Variants in IARS2 observed in about 807,000 individuals in gnomAD.
The protein encoded by IARS2 is isoleucyl-tRNA synthetase 2, mitochondrial.
A neutral mutation model predicts 126.3 loss-of-function variants in IARS2; 56 were observed. The observed-to-expected ratio is 0.44, with a 90% CI of 0.36 to 0.55. IARS2 has a LOEUF of 0.55. Ranked by LOEUF, IARS2 falls within the 20% of genes least tolerant of loss-of-function variation. The pLI is 0.00. For synonymous variants in IARS2, 407 were observed against 441.1 expected (o/e 0.92, Z 0.97); for missense variants, 1,127 against 1,245.9 (o/e 0.90, Z 1.44).
intron 12 of IARS2, among the ~76,000 whole-genome samples, chr1:220,121,132 A>G (rs1393401263): frequency 6.6e-6 from 1 of 152,198 alleles, no homozygotes; most frequent in Non-Finnish European, 1.5e-5. Context: ...TTTTATTTAC[A>G]GTAGCCTTTT....
At position 220,102,341 on chromosome 1, in the gene IARS2, A is replaced by G. The variant is rs202128341; in HGVS notation, c.700-22A>G. On this transcript the variant is annotated intron_variant, in intron 4 of 22. Transcript: ENST00000366922. Reference sequence around the variant, plus strand: ...TGCGTTACAAGATTCTACTTTTAACATCATATTTTTGTCTTTTATAGGGCT... The same window carrying G: ...TGCGTTACAAGATTCTACTTTTAACGTCATATTTTTGTCTTTTATAGGGCT... The G allele has an allele frequency of 1.7e-4, 266 of 1,611,938 alleles. 1 individual carries two copies. The East Asian group carries it at 5.6e-3, about 34-fold the overall frequency.
At chr1:220,134,055 ACATT>A (rs1657319658) in intron 14 of IARS2, among the ~76,000 whole-genome samples, 1 of 152,052 alleles carries the variant, frequency 6.6e-6, no homozygotes, top group South Asian at 2.1e-4. Flanking sequence ...ACATTGCTTG[ACATT>A]CATGCAGTAC....
chr1:220,100,759 A>G (rs1656555022), intron 3 of IARS2, 110 bp downstream of exon 3: 10 of 749,528 alleles, frequency 1.3e-5, no homozygotes, highest in Admixed American at 3.5e-5. Flanking sequence ...TTTGCTTATA[A>G]TAAGATCTAT....
Position 220,134,337 on chromosome 1 carries a change from TTC to T in IARS2, c.1838-63_1838-62del. Reference sequence around the variant, plus strand: ...CCACTAATTGTTATTAATAAGTATCTTCTTTTTCTATTTTAATTAACTTAAAT... The same window carrying T: ...CCACTAATTGTTATTAATAAGTATCTTTTTTCTATTTTAATTAACTTAAAT... On this transcript the variant is annotated intron_variant, in intron 14 of 22. Transcript: ENST00000366922. The T allele has an allele frequency of 7.9e-6, 9 of 1,140,562 alleles. No individual in the cohort carries two copies. The South Asian group carries it at 1.4e-4, about 18-fold the overall frequency. 70.7% of individuals were successfully genotyped at this position (1,140,562 alleles called of 1,614,324 possible).
rs1210265927 is a variant in IARS2, at chr1:220,134,254, TC to T, written c.1838-147del. On this transcript the variant is annotated intron_variant, in intron 14 of 22. Coordinates refer to ENST00000366922, the MANE Select transcript of IARS2 (RefSeq NM_018060.4). ...TGGTGATGTGTAACTTTGGTCACTT[TC>T]TTGGTTAAGGTGGCATCTGTCAGTT... 1.6e-4 allele frequency: 88 copies of T among 563,110 alleles called. No individual in the cohort carries two copies. The East Asian group carries it at 2.7e-3, about 17-fold the overall frequency. The allele number at this position is 563,110 out of a possible 1,614,324, so 34.9% of individuals were successfully genotyped here. A position where few individuals can be genotyped will look rare whatever the true frequency, so the allele number is the denominator to read the frequency against.
At chr1:220,118,985 C>T (rs1332644615) in intron 12 of IARS2, among the ~76,000 whole-genome samples, 1 of 152,074 alleles carries the variant, frequency 6.6e-6, no homozygotes, top group African/African-American at 2.4e-5. Context: ...AGCCTCTTAC[C>T]TCATTCTTCT....
At chr1:220,144,198 T>C in intron 21 of IARS2, 2 of 783,636 alleles carry the variant, frequency 2.6e-6, no homozygotes, top group East Asian at 4.8e-5. Context: ...CATCAGTGAT[T>C]TCAAATTTGC....
intron 13 of IARS2, among the ~76,000 whole-genome samples, chr1:220,125,633 GTC>G (rs1216924248): frequency 3.9e-5 from 6 of 152,078 alleles, no homozygotes; most frequent in Non-Finnish European, 2.9e-5. Context: ...GCAAAACCCT[GTC>G]TCTACAAAAA....
chr1:220,135,649 C>G (rs569249763), intron 15 of IARS2, among the ~76,000 whole-genome samples: 10 of 151,574 alleles, frequency 6.6e-5, no homozygotes, highest in South Asian at 2.1e-4. Context: ...CGTGAGCCCC[C>G]ACGCCTGGCC....
chr1:220,126,236 T>C (rs148526805), intron 13 of IARS2, among the ~76,000 whole-genome samples: 70 of 151,958 alleles, frequency 4.6e-4, no homozygotes, highest in African/African-American at 1.6e-3. Context: ...GATCGCGCCA[T>C]TGCACTCCAG....
intron 14 of IARS2, among the ~76,000 whole-genome samples, chr1:220,128,157 A>G (rs1033585805): frequency 6.7e-6 from 1 of 148,852 alleles, no homozygotes; most frequent in Non-Finnish European, 1.5e-5. Context: ...AAACCCACAT[A>G]TAGAAAGGGA....
chr1:220,125,305 C>T lies in IARS2; in HGVS notation c.1709C>T (p.Pro570Leu), dbSNP rs755114732. ...AGTGATATCTGGTGGACTCTTCCCC[C>T]TGAACAACTTCTTCCAAAAGAAGTC... is the stretch of plus-strand genomic sequence containing the variant. The part of the protein sequence containing the change: ...HGSDIWWTLP[P>L]EQLLPKEVLS... Residue 570 changes from proline to leucine, a missense_variant, in exon 13 of 23, where the codon CCT becomes CTT. Pro to Leu is a moderately conservative substitution (Grantham distance 98). Transcript: ENST00000366922. 5 of 1,613,418 alleles carry T rather than the reference C, an allele frequency of 3.1e-6. No homozygotes were observed. Among genetic ancestry groups the T allele is most frequent in the African/African-American group, 2.7e-5 (2 of 74,904 alleles).
intron 11 of IARS2, among the ~76,000 whole-genome samples, chr1:220,111,992 G>A (rs1050825435): frequency 1.3e-5 from 2 of 150,924 alleles, no homozygotes; most frequent in Admixed American, 1.3e-4. Context: ...TAACTTTTTT[G>A]TAAAGTTAAA....
chr1:220,102,618 A>G lies in IARS2; in HGVS notation c.859+14A>G, dbSNP rs1455558551. 6.3e-7 allele frequency: 1 copy of G among 1,591,628 alleles called. No homozygotes were observed. Among genetic ancestry groups the G allele is most frequent in the South Asian group, 1.1e-5 (1 of 90,584 alleles). ...CATCTCTTATAGGTAAGATTTATTCATAGCTTGAGTGTACCAAAGTTATAG... is the reference window on the plus strand; with the variant it reads ...CATCTCTTATAGGTAAGATTTATTCGTAGCTTGAGTGTACCAAAGTTATAG... On this transcript the variant is annotated intron_variant, in intron 6 of 22. Transcript: ENST00000366922.
Position 220,140,231 on chromosome 1 carries a change from T to C in IARS2, c.2356T>C (p.Leu786=). The change falls in exon 19 of 23, where the codon TTA becomes CTA. Residue 786 remains leucine, a synonymous_variant. Transcript: ENST00000366922. The part of the protein sequence containing the change: ...QYDFGKVVRL[L]RTFYTRELSN... ...TGATTTTGGAAAAGTTGTTCGGCTG[T>C]TACGGACGTTTTATACCAGAGAGCT... The C allele has an allele frequency of 1.9e-6, 3 of 1,613,332 alleles. No individual in the cohort carries two copies. Among genetic ancestry groups the C allele is most frequent in the Non-Finnish European group, 2.5e-6 (3 of 1,179,290 alleles).
At chr1:220,132,771 G>A (rs1438397897) in intron 14 of IARS2, among the ~76,000 whole-genome samples, 4 of 151,934 alleles carry the variant, frequency 2.6e-5, no homozygotes, top group Admixed American at 6.6e-5. Flanking sequence ...TGATCCACCC[G>A]CCTTTGCCTC....
At chr1:220,114,094 T>G (rs1218763080) in intron 11 of IARS2, among the ~76,000 whole-genome samples, 2 of 152,176 alleles carry the variant, frequency 1.3e-5, no homozygotes, top group Non-Finnish European at 2.9e-5. Context: ...TTATCACTGC[T>G]CCCGATATTA....
intron 11 of IARS2, among the ~76,000 whole-genome samples, chr1:220,111,530 A>AAT: frequency 6.6e-6 from 1 of 151,168 alleles, no homozygotes; most frequent in East Asian, 1.9e-4. Flanking sequence ...TTAAATACTT[A>AAT]ATATATATTT....
intron 14 of IARS2, among the ~76,000 whole-genome samples, chr1:220,131,787 C>A (rs1358609621): frequency 1.4e-5 from 2 of 147,624 alleles, no homozygotes; most frequent in African/African-American, 5.0e-5. Context: ...TGCCTGGCCA[C>A]GTTGAATTTT....
Sources: allele counts gnomAD v4.1 joint callset (sites outside exome capture counted in the v4.1 genomes callset), GRCh38; gene constraint gnomAD v4.1.1; transcripts MANE v1.5; gene names NCBI Gene and HGNC (gene_info 2026-07-23, HGNC 2026-07-21).